KCNU1: variants seen among roughly 807,000 people sequenced by gnomAD.
KCNU1 encodes the protein potassium calcium-activated channel subfamily U member 1.
Under a neutral mutation model 126.8 loss-of-function variants are expected in KCNU1, and 93 were observed. That is an observed-to-expected ratio of 0.73 (90% CI 0.62 to 0.87). KCNU1 has a LOEUF of 0.87. Ranked by LOEUF, KCNU1 falls within the 40% of genes least tolerant of loss-of-function variation. KCNU1 has a pLI of 0.00. For missense variants in KCNU1, 1,330 were observed against 1,367.1 expected, an observed-to-expected ratio of 0.97 and a Z score of 0.43; for synonymous variants, 523 against 494.2, an observed-to-expected ratio of 1.06 and a Z score of -0.77.
chr8:36,838,703 A>C (rs1247520472), intron 14 of KCNU1, among the ~76,000 whole-genome samples: 1 of 152,070 alleles, frequency 6.6e-6, no homozygotes, highest in Admixed American at 6.5e-5. Context: ...TCTCAAAAAA[A>C]CCAATAAATG....
At chr8:36,861,134 G>A (rs991217034) in intron 18 of KCNU1, among the ~76,000 whole-genome samples, 5 of 152,138 alleles carry the variant, frequency 3.3e-5, no homozygotes, top group African/African-American at 1.2e-4. Context: ...AAGAATAGGA[G>A]ATGGTTTCTG....
chr8:36,928,404 A>C (rs1808596609), intron 24 of KCNU1, among the ~76,000 whole-genome samples: 2 of 151,986 alleles, frequency 1.3e-5, no homozygotes, highest in South Asian at 4.2e-4. Flanking sequence ...ACCTGGATTT[A>C]TGTCCTCCAC....
At chr8:36,804,751 A>G (rs867339325) in intron 3 of KCNU1, among the ~76,000 whole-genome samples, 7 of 152,206 alleles carry the variant, frequency 4.6e-5, no homozygotes, top group Non-Finnish European at 8.8e-5. Flanking sequence ...TTGTCTTTGC[A>G]TTGTGAATTC....
intron 9 of KCNU1, among the ~76,000 whole-genome samples, chr8:36,817,234 T>C (rs1031382858): frequency 1.3e-5 from 2 of 151,694 alleles, no homozygotes; most frequent in Non-Finnish European, 2.9e-5. Context: ...GCACAGTGGC[T>C]CGTGCCTGTA....
At chr8:36,809,369 G>C (rs7006091) in intron 7 of KCNU1, among the ~76,000 whole-genome samples, 3 of 152,014 alleles carry the variant, frequency 2.0e-5, no homozygotes, top group African/African-American at 7.3e-5. Flanking sequence ...TTGAAGAGCA[G>C]TCATTAGCAA....
At chr8:36,913,883 G>C (rs1223285379) in intron 22 of KCNU1, among the ~76,000 whole-genome samples, 1 of 152,012 alleles carries the variant, frequency 6.6e-6, no homozygotes, top group Non-Finnish European at 1.5e-5. Context: ...TTACAGGCTT[G>C]AGCCACCACG....
chr8:36,833,962 T>C (rs1169857998), intron 11 of KCNU1, among the ~76,000 whole-genome samples: 3 of 152,166 alleles, frequency 2.0e-5, no homozygotes, highest in African/African-American at 7.2e-5. Flanking sequence ...AAGGTATGGA[T>C]AGCAAGGTGT....
At chr8:36,874,149 A>G (rs1806200366) in intron 19 of KCNU1, among the ~76,000 whole-genome samples, 1 of 152,186 alleles carries the variant, frequency 6.6e-6, no homozygotes, top group Admixed American at 6.5e-5. Context: ...TGCTGCAGAT[A>G]GTGCTAAGAA....
intron 19 of KCNU1, among the ~76,000 whole-genome samples, chr8:36,868,999 T>C (rs925607640): frequency 6.6e-6 from 1 of 152,156 alleles, no homozygotes; most frequent in Non-Finnish European, 1.5e-5. Flanking sequence ...GTTTTGCCCA[T>C]TCTACCTATT....
At chr8:36,787,645 A>C (rs943479372) in intron 2 of KCNU1, among the ~76,000 whole-genome samples, 3 of 148,820 alleles carry the variant, frequency 2.0e-5, no homozygotes, top group African/African-American at 7.4e-5. Flanking sequence ...ACTAATAATT[A>C]GATTATATTA....
At chr8:36,788,406 G>A (rs925664532) in intron 2 of KCNU1, among the ~76,000 whole-genome samples, 4 of 152,156 alleles carry the variant, frequency 2.6e-5, no homozygotes, top group Non-Finnish European at 5.9e-5. Context: ...AATGAAGATT[G>A]CCCTGATCCT....
chr8:36,876,183 G>A (rs942997612), intron 19 of KCNU1, among the ~76,000 whole-genome samples: 2 of 151,988 alleles, frequency 1.3e-5, no homozygotes, highest in Non-Finnish European at 2.9e-5. Flanking sequence ...CATCCCCTAG[G>A]CCGACACAGG....
chr8:36,886,270 C>G (rs182861289), intron 19 of KCNU1, among the ~76,000 whole-genome samples: 1 of 152,306 alleles, frequency 6.6e-6, no homozygotes, highest in East Asian at 1.9e-4. Flanking sequence ...TAAAACCTCA[C>G]ACTGAACACC....
chr8:36,792,119 A>G (rs1269475361), intron 2 of KCNU1, among the ~76,000 whole-genome samples: 1 of 152,162 alleles, frequency 6.6e-6, no homozygotes, highest in African/African-American at 2.4e-5. Flanking sequence ...CATGCACATG[A>G]TACAGTATTT....
intron 18 of KCNU1, among the ~76,000 whole-genome samples, chr8:36,850,721 T>A (rs1432675006): frequency 6.6e-6 from 1 of 152,232 alleles, no homozygotes; most frequent in Non-Finnish European, 1.5e-5. Context: ...TCTCCGAAAG[T>A]GCTGGGATTA....
chr8:36,851,996 G>A (rs1805367117), intron 18 of KCNU1, among the ~76,000 whole-genome samples: 1 of 152,096 alleles, frequency 6.6e-6, no homozygotes, highest in Non-Finnish European at 1.5e-5. Context: ...CATTAGTTAT[G>A]ATGTTGGCTG....
chr8:36,845,947 C>G (rs1405476334), intron 18 of KCNU1, 48 bp downstream of exon 18: 1 of 1,110,780 alleles, frequency 9.0e-7, no homozygotes, highest in African/African-American at 1.6e-5. Flanking sequence ...CTCTAGGGAG[C>G]TGCCTGACGA....
intron 19 of KCNU1, chr8:36,889,289 T>G (rs541204964): frequency 3.8e-6 from 2 of 528,192 alleles, no homozygotes; most frequent in Admixed American, 2.0e-5. Context: ...TAAGGAATGG[T>G]TTAGAAATTA....
At chr8:36,787,557 C>T in intron 2 of KCNU1, 132 bp downstream of exon 2, 2 of 686,196 alleles carry the variant, frequency 2.9e-6, no homozygotes. Flanking sequence ...ATATCACCAC[C>T]TCCCCATCCC....
Sources: gnomAD v4.1 joint callset for allele counts (sites outside exome capture counted in the v4.1 genomes callset) on GRCh38, gnomAD v4.1.1 for gene constraint, MANE v1.5 for transcripts, NCBI Gene and HGNC (gene_info 2026-07-23, HGNC 2026-07-21) for gene names.